The following CMSS1 variants were observed in gnomAD, a reference collection of about 807,000 sequenced individuals.
CMSS1 encodes the protein cms1 ribosomal small subunit homolog.
CMSS1 carries 33 observed loss-of-function variants against 43.5 expected under a neutral mutation model. The observed-to-expected ratio is 0.76, with a 90% CI of 0.57 to 1.01. The LOEUF (loss-of-function observed/expected upper bound fraction) is 1.01. CMSS1 is among the 50% of genes least tolerant of loss of function. CMSS1 has a pLI of 0.00. For synonymous variants in CMSS1, 115 were observed against 117.2 expected (o/e 0.98, Z 0.12); for missense variants, 313 against 326.4 (o/e 0.96, Z 0.32).
intron 1 of CMSS1, among the ~76,000 whole-genome samples, chr3:100,126,201 A>G (rs1039135863): frequency 1.3e-5 from 2 of 152,200 alleles, no homozygotes; most frequent in African/African-American, 4.8e-5. Context: ...AATTTGCTAC[A>G]TGAGTTCAGA....
chr3:99,859,653 A>G (rs1173162434), intron 1 of CMSS1, among the ~76,000 whole-genome samples: 2 of 152,224 alleles, frequency 1.3e-5, no homozygotes, highest in African/African-American at 2.4e-5. Context: ...TGTCTAATAC[A>G]TAATTTTAAC....
chr3:99,994,744 G>A (rs1709625191), intron 1 of CMSS1, among the ~76,000 whole-genome samples: 1 of 152,132 alleles, frequency 6.6e-6, no homozygotes, highest in Non-Finnish European at 1.5e-5. Flanking sequence ...ATGGTGGGAG[G>A]CAAAAGGCAC....
At chr3:99,889,953 A>G (rs1706031757) in intron 1 of CMSS1, among the ~76,000 whole-genome samples, 1 of 152,214 alleles carries the variant, frequency 6.6e-6, no homozygotes. Context: ...ATTGGTTTAG[A>G]TATACCAATA....
At chr3:99,951,376 C>T (rs1280252345) in intron 1 of CMSS1, among the ~76,000 whole-genome samples, 2 of 152,106 alleles carry the variant, frequency 1.3e-5, no homozygotes, top group Non-Finnish European at 2.9e-5. Context: ...GGGTACAGGA[C>T]GTGGTCTGTT....
intron 1 of CMSS1, among the ~76,000 whole-genome samples, chr3:100,122,012 C>A (rs560672752): frequency 1.3e-5 from 2 of 152,062 alleles, no homozygotes; most frequent in Non-Finnish European, 2.9e-5. Flanking sequence ...AGATAAGGAA[C>A]GAGTAGCAAG....
intron 1 of CMSS1, among the ~76,000 whole-genome samples, chr3:100,062,445 C>A (rs1473935436): frequency 1.3e-5 from 2 of 152,060 alleles, no homozygotes; most frequent in Admixed American, 6.5e-5. Context: ...ATTTTGAGCC[C>A]TTTAAGCCTT....
intron 1 of CMSS1, among the ~76,000 whole-genome samples, chr3:99,829,224 A>G (rs1942598062): frequency 9.5e-6 from 1 of 104,726 alleles, no homozygotes; most frequent in African/African-American, 3.1e-5. Flanking sequence ...GTGTCGTTCC[A>G]TTGATTTTTT....
intron 1 of CMSS1, among the ~76,000 whole-genome samples, chr3:99,982,779 C>G (rs1709165912): frequency 6.6e-6 from 1 of 152,090 alleles, no homozygotes; most frequent in Admixed American, 6.5e-5. Context: ...CCTCATTTTT[C>G]AAAAATGTGC....
intron 4 of CMSS1, 77 bp downstream of exon 4, chr3:100,162,509 T>G: frequency 6.8e-7 from 1 of 1,476,808 alleles, no homozygotes; most frequent in South Asian, 1.2e-5. Context: ...TCTCAGGCAG[T>G]CAATTAACAC....
intron 1 of CMSS1, among the ~76,000 whole-genome samples, chr3:99,883,914 T>A (rs1347153072): frequency 6.6e-6 from 1 of 152,216 alleles, no homozygotes; most frequent in Non-Finnish European, 1.5e-5. Context: ...AACTGCATAC[T>A]GACTCCAGCA....
chr3:99,827,737 C>G (rs74799753), intron 1 of CMSS1, among the ~76,000 whole-genome samples: 1 of 152,172 alleles, frequency 6.6e-6, no homozygotes, highest in Non-Finnish European at 1.5e-5. Flanking sequence ...TCCGGAGTAG[C>G]TGGGATTACA....
At chr3:99,953,116 A>T (rs997220425) in intron 1 of CMSS1, among the ~76,000 whole-genome samples, 9 of 152,240 alleles carry the variant, frequency 5.9e-5, no homozygotes, top group African/African-American at 1.9e-4. Context: ...CTGCATACTT[A>T]AAGGTCAATG....
At chr3:100,109,189 G>A (rs998394269) in intron 1 of CMSS1, among the ~76,000 whole-genome samples, 1 of 151,482 alleles carries the variant, frequency 6.6e-6, no homozygotes, top group African/African-American at 2.4e-5. Flanking sequence ...TTTTTTAAGG[G>A]TTCTTTTTCT....
At chr3:99,993,440 T>G (rs941545628) in intron 1 of CMSS1, among the ~76,000 whole-genome samples, 6 of 152,004 alleles carry the variant, frequency 3.9e-5, no homozygotes, top group Non-Finnish European at 5.9e-5. Flanking sequence ...AAATTTGTCT[T>G]CCTCTTTTCC....
At chr3:100,087,998 T>G (rs1376598641) in intron 1 of CMSS1, among the ~76,000 whole-genome samples, 1 of 151,978 alleles carries the variant, frequency 6.6e-6, no homozygotes, top group African/African-American at 2.4e-5. Context: ...GCCTGGCTAA[T>G]TTTTATATTT....
chr3:100,167,672 C>A, intron 5 of CMSS1, 66 bp from the exon 6 acceptor site: 3 of 927,066 alleles, frequency 3.2e-6, no homozygotes, highest in African/African-American at 1.6e-5. Flanking sequence ...AGAAGAAATG[C>A]TCAACTTGGG....
At chr3:100,148,066 A>G (rs901178799) in intron 2 of CMSS1, among the ~76,000 whole-genome samples, 2 of 152,110 alleles carry the variant, frequency 1.3e-5, no homozygotes, top group Admixed American at 6.5e-5. Context: ...TAATAAATCT[A>G]TGTGATTTGG....
At chr3:99,938,646 A>G (rs894466175) in intron 1 of CMSS1, among the ~76,000 whole-genome samples, 2 of 152,216 alleles carry the variant, frequency 1.3e-5, no homozygotes, top group South Asian at 2.1e-4. Context: ...ATGTATTAAG[A>G]TTATGGGGTT....
intron 1 of CMSS1, among the ~76,000 whole-genome samples, chr3:100,135,564 G>C (rs1392166282): frequency 6.7e-6 from 1 of 150,264 alleles, no homozygotes; most frequent in Non-Finnish European, 1.5e-5. Context: ...TTGTATCTTC[G>C]AACTCCTCAG....
Sources: gnomAD v4.1 joint callset for allele counts (sites outside exome capture counted in the v4.1 genomes callset) on GRCh38, gnomAD v4.1.1 for gene constraint, MANE v1.5 for transcripts, NCBI Gene and HGNC (gene_info 2026-07-23, HGNC 2026-07-21) for gene names.